The following CMIP variants were observed in gnomAD, a reference collection of about 807,000 sequenced individuals.
CMIP encodes the protein C-Maf-inducing protein.
CMIP carries 13 observed loss-of-function variants against 97.3 expected under a neutral mutation model. That is an observed-to-expected ratio of 0.13 (90% CI 0.09 to 0.21). The LOEUF (loss-of-function observed/expected upper bound fraction) is 0.21. Among genes scored for constraint, CMIP ranks in the 10% least tolerant of loss-of-function variants. The probability of loss-of-function intolerance (pLI) is 1.00; values close to 1 mark genes in which losing one functional copy is unlikely to be tolerated. For synonymous variants in CMIP, 538 were observed against 436.3 expected (o/e 1.23, Z -2.91); for missense variants, 847 against 1,024.9 (o/e 0.83, Z 2.37).
intron 1 of CMIP, among the ~76,000 whole-genome samples, chr16:81,595,996 G>C (rs1395659765): frequency 6.6e-6 from 1 of 152,108 alleles, no homozygotes; most frequent in Non-Finnish European, 1.5e-5. Context: ...CACACTAGTG[G>C]TGTAAGCAGG....
At position 81,621,139 on chromosome 16, in the gene CMIP, C is replaced by G. The variant is rs2091986996; in HGVS notation, c.477+213C>G. 3.7e-6 allele frequency: 2 copies of G among 545,238 alleles called. No homozygotes were observed. Among genetic ancestry groups the G allele is most frequent in the Non-Finnish European group, 3.3e-6 (1 of 303,502 alleles). 33.8% of individuals were successfully genotyped at this position (545,238 alleles called of 1,614,324 possible). ...GCAGTGCTGAAATAGCATTCTCGCC[C>G]TGGTGTTCTCAAACCCTATAGCTGT... On this transcript the variant is annotated intron_variant, in intron 3 of 20. Transcript: ENST00000537098. This position sits in a 1 kb window ranked among gnomAD's most constrained non-coding sequence, Gnocchi z 4.1.
At chr16:81,457,532 A>T (rs1337341236) in intron 1 of CMIP, among the ~76,000 whole-genome samples, 1 of 152,212 alleles carries the variant, frequency 6.6e-6, no homozygotes, top group East Asian at 1.9e-4. Flanking sequence ...TCCACCTGCC[A>T]GGTGCTGGCC....
intron 1 of CMIP, among the ~76,000 whole-genome samples, chr16:81,527,763 T>G (rs2090160623): frequency 1.3e-5 from 2 of 152,258 alleles, no homozygotes; most frequent in Admixed American, 1.3e-4. Context: ...ACATTCTGTT[T>G]AGAGCTGAAG....
Position 81,608,903 on chromosome 16 carries a change from A to G in CMIP, c.426+1211A>G, listed in dbSNP as rs369080156. 1.8e-4 allele frequency among the ~76,000 whole-genome samples: 28 copies of G among 152,322 alleles called. No homozygotes were observed. The East Asian group carries it at 2.5e-3, about 14-fold the overall frequency. On this transcript the variant is annotated intron_variant, in intron 2 of 20. Transcript: ENST00000537098. ...CCAGGGAAACCTTCTCTTAGCCCAA[A>G]GAGATGCTTTCTAAAAACCTATTTT...
chr16:81,495,233 A>G (rs1237877180), intron 1 of CMIP: 1 of 1,189,912 alleles, frequency 8.4e-7, no homozygotes, highest in South Asian at 1.7e-5. Flanking sequence ...TCTCAGTGAA[A>G]CAGACACTGA....
chr16:81,614,610 G>C lies in CMIP; in HGVS notation c.427-6266G>C, dbSNP rs1299541982. On this transcript the variant is annotated intron_variant, in intron 2 of 20. Transcript: ENST00000537098. This position sits in a 1 kb window ranked among gnomAD's most constrained non-coding sequence, Gnocchi z 5.3. The stretch of plus-strand genomic sequence containing the variant: ...GGTCCTTAAGCCGTGGTCCATGGTA[G>C]ATTCCAAAACTACCTGCACAGTCCT... Among the ~76,000 whole-genome samples, 1 of 152,154 alleles carries C rather than the reference G, an allele frequency of 6.6e-6. No homozygotes were observed. The highest frequency in any genetic ancestry group is 1.5e-5 in the Non-Finnish European group (1 of 68,026).
chr16:81,615,419 T>TGC (rs1430680919), intron 2 of CMIP, among the ~76,000 whole-genome samples: 10 of 143,034 alleles, frequency 7.0e-5, no homozygotes, highest in South Asian at 2.3e-4. Flanking sequence ...TGTGTGTGTG[T>TGC]GCGTGGTGTG....
rs112858246 is a variant in CMIP, at chr16:81,447,419, G to C, written c.300+1878G>C. ...TCCTGTTTCCGGAAAGCCAGCTCTCGAGGCTAATGCCTCCCCACTTACCTC... is the reference window on the plus strand; with the variant it reads ...TCCTGTTTCCGGAAAGCCAGCTCTCCAGGCTAATGCCTCCCCACTTACCTC... On this transcript the variant is annotated intron_variant, in intron 1 of 20. Coordinates refer to ENST00000537098, the MANE Select transcript of CMIP (RefSeq NM_198390.3). Among the ~76,000 whole-genome samples the C allele has an allele frequency of 2.5e-3, 373 of 152,050 alleles. 2 individuals are homozygous for C. The highest frequency in any genetic ancestry group is 0.02 in the Middle Eastern group (6 of 294).
intron 1 of CMIP, among the ~76,000 whole-genome samples, chr16:81,567,728 T>C (rs1272358103): frequency 6.6e-6 from 1 of 152,212 alleles, no homozygotes; most frequent in African/African-American, 2.4e-5. Flanking sequence ...CTGTGTCGTC[T>C]GCACAGAACT....
chr16:81,525,344 T>C (rs1030078737), intron 1 of CMIP, among the ~76,000 whole-genome samples: 4 of 151,964 alleles, frequency 2.6e-5, no homozygotes, highest in Admixed American at 6.6e-5. Context: ...GGTTTCACCA[T>C]GTTGGCCAGG....
At chr16:81,575,102 C>A (rs900896746) in intron 1 of CMIP, among the ~76,000 whole-genome samples, 2 of 152,194 alleles carry the variant, frequency 1.3e-5, no homozygotes, top group Non-Finnish European at 2.9e-5. Flanking sequence ...AGTAACTGAG[C>A]ACTTAACTTC....
At position 81,621,137 on chromosome 16, in the gene CMIP, C is replaced by T; in HGVS notation, c.477+211C>T. ...CTGCAGTGCTGAAATAGCATTCTCG[C>T]CCTGGTGTTCTCAAACCCTATAGCT... On this transcript the variant is annotated intron_variant, in intron 3 of 20. Coordinates refer to ENST00000537098, the MANE Select transcript of CMIP (RefSeq NM_198390.3). The surrounding 1 kb of genome is among the most constrained non-coding windows in gnomAD (Gnocchi z 4.1). 1.8e-6 allele frequency: 1 copy of T among 547,894 alleles called. No individual in the cohort carries two copies. 33.9% of individuals were successfully genotyped at this position (547,894 alleles called of 1,614,324 possible). A position where few individuals can be genotyped will look rare whatever the true frequency, so the allele number is the denominator to read the frequency against.
chr16:81,609,181 T>TC (rs1005331786), intron 2 of CMIP, among the ~76,000 whole-genome samples: 3 of 73,442 alleles, frequency 4.1e-5, no homozygotes, highest in Non-Finnish European at 8.5e-5. Context: ...ACACTGTCCC[T>TC]CCCCCCCTCC....
In CMIP at chr16:81,658,858, C is replaced by T. The variant is rs142325304; in HGVS notation, c.681+1042C>T. On this transcript the variant is annotated intron_variant, in intron 5 of 20. Transcript: ENST00000537098. ...GCAGCATCAGTCACTAGGCCCCTCACGCTCCTCTAGCCGAATCAGGGCCTT... is the reference window on the plus strand; with the variant it reads ...GCAGCATCAGTCACTAGGCCCCTCATGCTCCTCTAGCCGAATCAGGGCCTT... Among the ~76,000 whole-genome samples the T allele has an allele frequency of 3.1e-3, 478 of 152,358 alleles. 2 individuals carry two copies. Among genetic ancestry groups the T allele is most frequent in the African/African-American group, 0.011 (446 of 41,580 alleles).
At chr16:81,691,656 A>G (rs1906091641) in intron 10 of CMIP, 119 bp from the exon 11 acceptor site, 3 of 755,856 alleles carry the variant, frequency 4.0e-6, no homozygotes, top group Non-Finnish European at 7.0e-6. Context: ...TGGAGAAGTC[A>G]GTGCCACTGA....
intron 11 of CMIP, among the ~76,000 whole-genome samples, 167 bp from the exon 12 acceptor site, chr16:81,692,991 G>C (rs182024676): frequency 2.9e-4 from 44 of 152,304 alleles, no homozygotes; most frequent in African/African-American, 1.0e-3. Flanking sequence ...GAAGGCCTTT[G>C]TTTTGGAGCT....
intron 1 of CMIP, among the ~76,000 whole-genome samples, chr16:81,461,287 A>G (rs1217016364): frequency 6.6e-6 from 1 of 152,048 alleles, no homozygotes; most frequent in African/African-American, 2.4e-5. Context: ...ATGTTAGCCT[A>G]TTTTTCCTTC....
At chr16:81,514,959 T>TC (rs2089884461) in intron 1 of CMIP, among the ~76,000 whole-genome samples, 1 of 152,060 alleles carries the variant, frequency 6.6e-6, no homozygotes, top group Non-Finnish European at 1.5e-5. Flanking sequence ...CGATGAACAC[T>TC]CCCCTGAGCA....
Position 81,627,385 on chromosome 16 carries a change from C to G in CMIP, c.477+6459C>G, listed in dbSNP as rs1044071120. 6.6e-6 allele frequency among the ~76,000 whole-genome samples: 1 copy of G among 152,000 alleles called. No homozygotes were observed. The highest frequency in any genetic ancestry group is 1.5e-5 in the Non-Finnish European group (1 of 67,976). On this transcript the variant is annotated intron_variant, in intron 3 of 20. Transcript: ENST00000537098. This position sits in a 1 kb window ranked among gnomAD's most constrained non-coding sequence, Gnocchi z 4.6. Reference sequence around the variant, plus strand: ...ATCGAAGGCTGTGTTGTTTGTGCAGCAGGCAGAAGGGATCCTGGTAGGAGC... The same window carrying G: ...ATCGAAGGCTGTGTTGTTTGTGCAGGAGGCAGAAGGGATCCTGGTAGGAGC...
Sources: allele counts gnomAD v4.1 joint callset (sites outside exome capture counted in the v4.1 genomes callset), GRCh38; gene constraint gnomAD v4.1.1; non-coding constraint Gnocchi (gnomAD v3.1); transcripts MANE v1.5; gene names NCBI Gene and HGNC (gene_info 2026-07-23, HGNC 2026-07-21).